Variants in CATSPERE observed in about 807,000 individuals in gnomAD.
The protein encoded by CATSPERE is cation channel sperm-associated auxiliary subunit epsilon.
A neutral mutation model predicts 114.1 loss-of-function variants in CATSPERE; 93 were observed. The ratio of observed to expected loss-of-function variants is 0.81; its 90% CI spans 0.69 to 0.97. CATSPERE has a LOEUF of 0.97. CATSPERE is among the 50% of genes least tolerant of loss of function. The pLI is 0.00. For synonymous variants in CATSPERE, 341 were observed against 384.1 expected, an observed-to-expected ratio of 0.89 and a Z score of 1.31; for missense variants, 1,058 against 1,131.6, an observed-to-expected ratio of 0.93 and a Z score of 0.93.
intron 1 of CATSPERE, among the ~76,000 whole-genome samples, chr1:244,462,080 G>A (rs543716312): frequency 1.3e-5 from 2 of 152,270 alleles, no homozygotes; most frequent in African/African-American, 4.8e-5. Flanking sequence ...GCCTCCCAAA[G>A]TGCTGTAATT....
intron 17 of CATSPERE, among the ~76,000 whole-genome samples, chr1:244,600,564 C>A (rs910428214): frequency 2.0e-5 from 3 of 152,124 alleles, no homozygotes; most frequent in Non-Finnish European, 4.4e-5. Context: ...CAGAAAGTGC[C>A]ATATGAAAAA....
In CATSPERE at chr1:244,553,808, C is replaced by T. The variant is rs138144567; in HGVS notation, c.1029+994C>T. Among the ~76,000 whole-genome samples, 607 of 152,164 alleles carry T rather than the reference C, an allele frequency of 4.0e-3. 5 individuals are homozygous for T. Among genetic ancestry groups the T allele is most frequent in the African/African-American group, 0.014 (571 of 41,512 alleles). ...TATATTTGTACGTATTAACCAGCCTCTCTTTATACTCCCTCCCACGCACCC... is the reference window on the plus strand; with the variant it reads ...TATATTTGTACGTATTAACCAGCCTTTCTTTATACTCCCTCCCACGCACCC... On this transcript the variant is annotated intron_variant, in intron 9 of 21. Coordinates refer to ENST00000366534, the MANE Select transcript of CATSPERE (RefSeq NM_001130957.2).
intron 3 of CATSPERE, 65 bp from the exon 4 acceptor site, chr1:244,477,841 G>C: frequency 7.6e-7 from 1 of 1,309,252 alleles, no homozygotes; most frequent in Non-Finnish European, 1.1e-6. Flanking sequence ...TTAAAAAATA[G>C]TAAGGGAATT....
intron 21 of CATSPERE, 80 bp from the exon 22 acceptor site, chr1:244,639,848 T>C: frequency 7.6e-7 from 1 of 1,308,838 alleles, no homozygotes; most frequent in East Asian, 2.5e-5. Context: ...AGCTAGCTAT[T>C]CAAAAAGTGT....
intron 20 of CATSPERE, among the ~76,000 whole-genome samples, chr1:244,627,270 A>G (rs1334487300): frequency 6.6e-6 from 1 of 152,160 alleles, no homozygotes; most frequent in East Asian, 1.9e-4. Context: ...GTAACATCAG[A>G]GATCACTGAC....
intron 17 of CATSPERE, chr1:244,598,573 A>T (rs1456598745): frequency 1.3e-5 from 4 of 317,998 alleles, no homozygotes; most frequent in African/African-American, 8.7e-5. Flanking sequence ...CCTGTCTTGC[A>T]CCCACAGAGA....
intron 2 of CATSPERE, among the ~76,000 whole-genome samples, chr1:244,464,186 A>G (rs1289112942): frequency 1.3e-5 from 2 of 152,198 alleles, no homozygotes; most frequent in African/African-American, 2.4e-5. Context: ...ACTGTTCACA[A>G]TGTGATGTTA....
At chr1:244,514,679 A>C (rs1039407685) in intron 7 of CATSPERE, among the ~76,000 whole-genome samples, 1 of 151,988 alleles carries the variant, frequency 6.6e-6, no homozygotes, top group East Asian at 1.9e-4. Context: ...AATACAAAAA[A>C]TTAGCTGGGC....
At position 244,536,677 on chromosome 1, in the gene CATSPERE, C is replaced by T. The variant is rs573362539; in HGVS notation, c.537-15645C>T. Among the ~76,000 whole-genome samples the T allele has an allele frequency of 5.9e-5, 9 of 152,254 alleles. No individual in the cohort carries two copies. The South Asian group carries it at 1.9e-3, about 32-fold the overall frequency. ...GGCAACTCAAGACTGTCTTTCCCAC[C>T]GTCTTCAGTGTCTGTTTCCTTGATA... On this transcript the variant is annotated intron_variant, in intron 8 of 21. Transcript: ENST00000366534.
intron 5 of CATSPERE, among the ~76,000 whole-genome samples, chr1:244,488,607 A>G (rs1671451571): frequency 1.3e-5 from 2 of 152,234 alleles, no homozygotes; most frequent in Admixed American, 1.3e-4. Flanking sequence ...AGGTTACTGT[A>G]TTAATACGAA....
intron 8 of CATSPERE, among the ~76,000 whole-genome samples, chr1:244,551,511 A>G (rs1572704879): frequency 6.6e-6 from 1 of 152,252 alleles, no homozygotes; most frequent in Non-Finnish European, 1.5e-5. Flanking sequence ...GTATTTACAC[A>G]GTAAATCTAA....
At chr1:244,561,839 C>T (rs921526698) in intron 10 of CATSPERE, among the ~76,000 whole-genome samples, 1 of 152,064 alleles carries the variant, frequency 6.6e-6, no homozygotes, top group African/African-American at 2.4e-5. Context: ...TCTCATTTCC[C>T]AAATAACCAA....
At chr1:244,498,568 G>GT (rs1180108332) in intron 6 of CATSPERE, among the ~76,000 whole-genome samples, 3 of 152,170 alleles carry the variant, frequency 2.0e-5, no homozygotes, top group African/African-American at 7.2e-5. Flanking sequence ...AAGTATGTGA[G>GT]TGGGGGGGTG....
chr1:244,497,663 G>C (rs1673320758), intron 6 of CATSPERE, among the ~76,000 whole-genome samples: 1 of 152,162 alleles, frequency 6.6e-6, no homozygotes, highest in South Asian at 2.1e-4. Flanking sequence ...CGGGCATGGT[G>C]CTGGGCACCT....
chr1:244,488,654 C>T (rs1403008326), intron 5 of CATSPERE, among the ~76,000 whole-genome samples: 1 of 152,116 alleles, frequency 6.6e-6, no homozygotes, highest in Non-Finnish European at 1.5e-5. Flanking sequence ...TTTCCTTTTG[C>T]CTTCAAATTT....
chr1:244,461,637 C>G, intron 1 of CATSPERE, 143 bp downstream of exon 1: 2 of 561,790 alleles, frequency 3.6e-6, no homozygotes, highest in South Asian at 8.6e-5. Context: ...CTCCCCAACA[C>G]CAGCCCCAGT....
chr1:244,562,726 CTGTTT>C (rs1327455751), intron 10 of CATSPERE, among the ~76,000 whole-genome samples: 1 of 151,706 alleles, frequency 6.6e-6, no homozygotes, highest in Non-Finnish European at 1.5e-5. Context: ...TTCCTTATTT[CTGTTT>C]TATTTTTTAT....
chr1:244,544,461 C>G (rs1233316418), intron 8 of CATSPERE, among the ~76,000 whole-genome samples: 1 of 152,152 alleles, frequency 6.6e-6, no homozygotes, highest in East Asian at 1.9e-4. Flanking sequence ...GTGATTCTTC[C>G]TTCAGTTCTA....
chr1:244,626,385 T>C (rs978941350), intron 20 of CATSPERE, among the ~76,000 whole-genome samples: 2 of 148,624 alleles, frequency 1.3e-5, no homozygotes, highest in Non-Finnish European at 3.0e-5. Context: ...CCTGGGAGGC[T>C]GAGGCAGGAG....
Sources: gnomAD v4.1 joint callset for allele counts (sites outside exome capture counted in the v4.1 genomes callset) on GRCh38, gnomAD v4.1.1 for gene constraint, MANE v1.5 for transcripts, NCBI Gene and HGNC (gene_info 2026-07-23, HGNC 2026-07-21) for gene names.